Variants in FHIP1B observed in about 807,000 individuals in gnomAD.
The protein encoded by FHIP1B is FHF complex subunit HOOK-interacting protein 1B.
A neutral mutation model predicts 82.2 loss-of-function variants in FHIP1B; 28 were observed. That is an observed-to-expected ratio of 0.34 (90% CI 0.25 to 0.47). The LOEUF (loss-of-function observed/expected upper bound fraction) is 0.47. FHIP1B is among the 20% of genes least tolerant of loss of function. The pLI is 1.00. For synonymous variants in FHIP1B, 585 were observed against 516.1 expected, an observed-to-expected ratio of 1.13 and a Z score of -1.81; for missense variants, 1,110 against 1,262.6, an observed-to-expected ratio of 0.88 and a Z score of 1.83.
In FHIP1B at chr11:6,211,680, T is replaced by C. The variant is rs370074542; in HGVS notation, c.2745A>G (p.Gln915=). Residue 915 remains glutamine, a synonymous_variant, in exon 12 of 12, where the codon CAA becomes CAG. Coordinates refer to ENST00000449352, the MANE Select transcript of FHIP1B (RefSeq NM_001098794.2). ...LLTRGGAPER[Q]GEALRVKNAV... The stretch of plus-strand genomic sequence containing the variant: ...CATTCTTGACTCGAAGAGCCTCACC[T>C]TGGCGTTCAGGGGCCCCGCCCCGGG... The C allele has an allele frequency of 3.2e-5, 52 of 1,614,046 alleles. No homozygotes were observed. The highest frequency in any genetic ancestry group is 1.6e-4 in the Middle Eastern group (1 of 6,084).
chr11:6,223,873 G>A lies in FHIP1B; in HGVS notation c.514C>T (p.Leu172=), dbSNP rs1847486779. The change falls in exon 3 of 12, where the codon CTG becomes TTG. Residue 172 remains leucine, a synonymous_variant. Coordinates refer to ENST00000449352, the MANE Select transcript of FHIP1B (RefSeq NM_001098794.2). This position sits in a 1 kb window ranked among gnomAD's most constrained non-coding sequence, Gnocchi z 4.8. ...CGRPVPSSPA[L]DEGLVLLLSQ... ...AGAAGTAGCACCAAGCCTTCATCCA[G>A]TGCTGGGCTACTGGGCACAGGGCGG... 1.2e-6 allele frequency: 2 copies of A among 1,614,238 alleles called. No homozygotes were observed. The highest frequency in any genetic ancestry group is 1.7e-6 in the Non-Finnish European group (2 of 1,180,048).
intron 1 of FHIP1B, among the ~76,000 whole-genome samples, chr11:6,232,974 T>C (rs1847736332): frequency 6.6e-6 from 1 of 152,214 alleles, no homozygotes; most frequent in African/African-American, 2.4e-5. Flanking sequence ...ATAACCATAC[T>C]GTCTTTCTCT....
rs1459446269 is a variant in FHIP1B at position 6,217,701 on chromosome 11, G to A, written c.1885C>T (p.His629Tyr). 6.2e-7 allele frequency: 1 copy of A among 1,612,802 alleles called. No homozygotes were observed. The highest frequency in any genetic ancestry group is 8.5e-7 in the Non-Finnish European group (1 of 1,179,568). Reference sequence around the variant, plus strand: ...CCATTGAGCTGGGGAGGGGGCAGGTGACCAGGGCCCTCCCCTGCACCCCCA... The same window carrying A: ...CCATTGAGCTGGGGAGGGGGCAGGTAACCAGGGCCCTCCCCTGCACCCCCA... ...RAGGAGEGPGHLPPPQLNGVP... is the reference protein window; with the variant it reads ...RAGGAGEGPGYLPPPQLNGVP... The change falls in exon 9 of 12, where the codon CAC becomes TAC. Residue 629 changes from histidine (H) to tyrosine (Y), a missense_variant. Physicochemically the swap from His to Tyr is moderately conservative, Grantham distance 83 (BLOSUM62 2). Coordinates refer to ENST00000449352, the MANE Select transcript of FHIP1B (RefSeq NM_001098794.2).
At chr11:6,229,528 G>A (rs1169568547) in intron 1 of FHIP1B, among the ~76,000 whole-genome samples, 1 of 152,160 alleles carries the variant, frequency 6.6e-6, no homozygotes, top group Non-Finnish European at 1.5e-5. Context: ...GTCAGCTGAA[G>A]AAAGGCCAAG....
rs141099056 is a variant in FHIP1B at position 6,225,501 on chromosome 11, T to G, written c.-191-794A>C. Among the ~76,000 whole-genome samples the G allele has an allele frequency of 8.5e-4, 130 of 152,340 alleles. 1 individual carries two copies. Among genetic ancestry groups the G allele is most frequent in the African/African-American group, 2.8e-3 (116 of 41,572 alleles). On this transcript the variant is annotated intron_variant, in intron 1 of 11. Transcript: ENST00000449352. ...GCAGTTTTCACTACCTGAAACTATT[T>G]ATTTATTTGTCTATCTTCCCCACAT...
At chr11:6,219,771 C>T (rs1430375177) in intron 6 of FHIP1B, among the ~76,000 whole-genome samples, 1 of 152,216 alleles carries the variant, frequency 6.6e-6, no homozygotes, top group East Asian at 1.9e-4. Flanking sequence ...CTATACTTCC[C>T]TTACAGCAAG....
At chr11:6,218,313 C>T (rs562444167) in intron 8 of FHIP1B, among the ~76,000 whole-genome samples, 163 bp from the exon 9 acceptor site, 6 of 152,280 alleles carry the variant, frequency 3.9e-5, no homozygotes, top group South Asian at 2.1e-4. Context: ...TCCTCATCCA[C>T]CACCCCCACT....
intron 11 of FHIP1B, 105 bp from the exon 12 acceptor site, chr11:6,211,972 G>A: frequency 1.4e-6 from 2 of 1,441,710 alleles, no homozygotes; most frequent in Admixed American, 5.3e-5. Flanking sequence ...TTCTCCTTTA[G>A]GGTTCTGAGG....
chr11:6,216,716 C>CCTCCTCCTCAAGGGGCAGTGGA, intron 9 of FHIP1B: 1 of 257,198 alleles, frequency 3.9e-6, no homozygotes, highest in Non-Finnish European at 7.5e-6. Context: ...CTCAGGGCCA[C>CCTCCTCCTCAAGGGGCAGTGGA]GCTTTGTCAT....
At position 6,217,462 on chromosome 11, in the gene FHIP1B, G is replaced by A. The variant is rs1367469899; in HGVS notation, c.2124C>T (p.Tyr708=). ...PPLPLEEEEA[Y]ESFTCPPEPP... is the part of the protein sequence containing the mutation. The stretch of plus-strand genomic sequence containing the variant: ...GCTCAGGGGGACAGGTGAAGCTCTC[G>A]TAGGCCTCCTCCTCCTCAAGGGGCA... The change falls in exon 9 of 12, where the codon TAC becomes TAT. Residue 708 remains tyrosine, a synonymous_variant. Coordinates refer to ENST00000449352, the MANE Select transcript of FHIP1B (RefSeq NM_001098794.2). The A allele has an allele frequency of 6.8e-6, 11 of 1,613,786 alleles. No homozygotes were observed. The highest frequency in any genetic ancestry group is 1.1e-5 in the South Asian group (1 of 91,052).
At chr11:6,226,840 T>C (rs1847577962) in intron 1 of FHIP1B, among the ~76,000 whole-genome samples, 1 of 152,186 alleles carries the variant, frequency 6.6e-6, no homozygotes, top group Non-Finnish European at 1.5e-5. Context: ...CAGATTGTCC[T>C]TCAAAAATAC....
In FHIP1B at chr11:6,222,462, G is replaced by A. The variant is rs145458032; in HGVS notation, c.1171C>T (p.Arg391Cys). ...CATACCCGGGAGTTACTGCCAATACGAGCAACGAGGGTGTCGAGGATGGTG... is the reference window on the plus strand; with the variant it reads ...CATACCCGGGAGTTACTGCCAATACAAGCAACGAGGGTGTCGAGGATGGTG... ...THTILDTLVARIGSNSRLCMV... is the reference protein window; with the variant it reads ...THTILDTLVACIGSNSRLCMV... The change falls in exon 6 of 12, where the codon CGT becomes TGT. Residue 391 changes from arginine to cysteine, a missense_variant. Physicochemically the swap from Arg to Cys is radical, Grantham distance 180. This residue lies in a region of FHIP1B where 467 missense variants were observed against 602.9 expected (regional missense o/e 0.77). Transcript: ENST00000449352. The A allele has an allele frequency of 5.6e-6, 9 of 1,613,812 alleles. No individual in the cohort carries two copies. Among genetic ancestry groups the A allele is most frequent in the East Asian group, 4.5e-5 (2 of 44,878 alleles).
chr11:6,229,792 C>T (rs1219167032), intron 1 of FHIP1B, among the ~76,000 whole-genome samples: 3 of 152,118 alleles, frequency 2.0e-5, no homozygotes, highest in South Asian at 2.1e-4. Flanking sequence ...TTGGAATCAG[C>T]ATCTCAGATT....
At chr11:6,228,519 T>C (rs762332587) in intron 1 of FHIP1B, among the ~76,000 whole-genome samples, 3 of 152,124 alleles carry the variant, frequency 2.0e-5, no homozygotes, top group Non-Finnish European at 2.9e-5. Flanking sequence ...TAAATGGCAT[T>C]AAAATCGGGT....
chr11:6,231,631 T>C (rs932291974), intron 1 of FHIP1B, among the ~76,000 whole-genome samples: 4 of 151,952 alleles, frequency 2.6e-5, no homozygotes, highest in Non-Finnish European at 5.9e-5. Flanking sequence ...CAACCACACC[T>C]GGCTAATTTT....
chr11:6,224,650 G>T lies in FHIP1B; in HGVS notation c.-134C>A. On this transcript the variant is annotated 5_prime_UTR_variant, in exon 2 of 12. Transcript: ENST00000449352. Reference sequence around the variant, plus strand: ...CCAGTAGCTGCCCATGGAGCCAGAGGTTATACCAGGCTGGAATGGCAAGCC... The same window carrying T: ...CCAGTAGCTGCCCATGGAGCCAGAGTTTATACCAGGCTGGAATGGCAAGCC... 1 of 913,618 alleles carries T rather than the reference G, an allele frequency of 1.1e-6. No individual in the cohort carries two copies. Among genetic ancestry groups the T allele is most frequent in the Non-Finnish European group, 1.6e-6 (1 of 619,462 alleles). The allele number at this position is 913,618 out of a possible 1,614,324, so 56.6% of individuals were successfully genotyped here.
Position 6,211,539 on chromosome 11 carries a change from A to G in FHIP1B, c.2886T>C (p.Pro962=), listed in dbSNP as rs1847072674. 1 of 1,609,576 alleles carries G rather than the reference A, an allele frequency of 6.2e-7. No individual in the cohort carries two copies. Among genetic ancestry groups the G allele is most frequent in the Non-Finnish European group, 8.5e-7 (1 of 1,178,296 alleles). ...TGAGGGGCCCACAGCCTGAGATGAG[A>G]GGGCCAGATCCTTCCTCTGAAGTCT... is the stretch of plus-strand genomic sequence containing the variant. ...LLETSEEGSG[P]LISGCGPLNP Residue 962 remains proline, a synonymous_variant, in exon 12 of 12, where the codon CCT becomes CCC. Coordinates refer to ENST00000449352, the MANE Select transcript of FHIP1B (RefSeq NM_001098794.2).
At chr11:6,224,312 A>G in intron 2 of FHIP1B, 64 bp from the exon 3 acceptor site, 1 of 1,614,164 alleles carries the variant, frequency 6.2e-7, no homozygotes, top group Non-Finnish European at 8.5e-7. Context: ...TGGGATGAGG[A>G]GAATATAGAA....
At chr11:6,215,474 A>C (rs936816014) in intron 9 of FHIP1B, 8 of 152,268 alleles carry the variant, frequency 5.3e-5, no homozygotes, top group African/African-American at 1.9e-4. Context: ...AAAACGGAGG[A>C]TAACACTAAA....
Sources: allele counts gnomAD v4.1 joint callset (sites outside exome capture counted in the v4.1 genomes callset), GRCh38; gene constraint gnomAD v4.1.1; regional missense constraint gnomAD v4.1.1; non-coding constraint Gnocchi (gnomAD v3.1); transcripts MANE v1.5; gene names NCBI Gene and HGNC (gene_info 2026-07-23, HGNC 2026-07-21).